Variants in GABRB1 observed in about 807,000 individuals in gnomAD.
GABRB1 encodes gamma-aminobutyric acid type A receptor subunit beta1, also known as gamma-aminobutyric acid receptor subunit beta-1.
Under a neutral mutation model 51.6 loss-of-function variants are expected in GABRB1, and 17 were observed. The observed-to-expected ratio is 0.33, with a 90% CI of 0.23 to 0.49. The LOEUF (loss-of-function observed/expected upper bound fraction) is 0.49, where lower values mean the gene tolerates loss of function less well. GABRB1 is among the 20% of genes least tolerant of loss of function. The pLI, the probability that GABRB1 is intolerant of heterozygous loss-of-function variation, is 0.99. For synonymous variants in GABRB1, 247 were observed against 218.9 expected, an observed-to-expected ratio of 1.13 and a Z score of -1.14; for missense variants, 410 against 600.6, an observed-to-expected ratio of 0.68 and a Z score of 3.32.
At chr4:47,070,017 G>A (rs1236413086) in intron 3 of GABRB1, among the ~76,000 whole-genome samples, 7 of 150,810 alleles carry the variant, frequency 4.6e-5, no homozygotes, top group South Asian at 2.1e-4. Flanking sequence ...CTTCTTTTTC[G>A]TTGTTGCTGT....
At chr4:47,401,996 A>G (rs754618508) in intron 5 of GABRB1, among the ~76,000 whole-genome samples, 3 of 152,206 alleles carry the variant, frequency 2.0e-5, no homozygotes, top group Admixed American at 6.5e-5. Context: ...CCAATATGCC[A>G]ATTAGTCCCA....
At chr4:47,237,993 C>A (rs145788948) in intron 4 of GABRB1, among the ~76,000 whole-genome samples, 5 of 151,802 alleles carry the variant, frequency 3.3e-5, no homozygotes, top group Admixed American at 2.6e-4. Flanking sequence ...ATTTATATTT[C>A]ATATTTTGCA....
rs376507673 is a variant in GABRB1 at position 47,188,615 on chromosome 4, C to T, written c.461+27146C>T. On this transcript the variant is annotated intron_variant, in intron 4 of 8. Transcript: ENST00000295454. ...TTTAGAATAAAAATTTAAAAAAAAA[C>T]ATTCTTTCTATTCCTTCTATGATAA... 9.2e-5 allele frequency among the ~76,000 whole-genome samples: 14 copies of T among 151,848 alleles called. No individual in the cohort carries two copies. The East Asian group carries it at 1.2e-3, about 13-fold the overall frequency.
At chr4:47,286,629 A>G (rs180865310) in intron 4 of GABRB1, among the ~76,000 whole-genome samples, 31 of 152,322 alleles carry the variant, frequency 2.0e-4, no homozygotes, top group African/African-American at 6.0e-4. Flanking sequence ...TATAAGAAAT[A>G]TTGAGCTTAG....
intron 4 of GABRB1, among the ~76,000 whole-genome samples, chr4:47,254,378 T>G (rs1426905236): frequency 8.5e-5 from 11 of 129,528 alleles, no homozygotes; most frequent in African/African-American, 2.1e-4. Flanking sequence ...TTTTTTTTTT[T>G]TTTTTTTTTT....
At chr4:47,211,437 A>T (rs1260600084) in intron 4 of GABRB1, among the ~76,000 whole-genome samples, 4 of 152,206 alleles carry the variant, frequency 2.6e-5, no homozygotes, top group African/African-American at 9.6e-5. Flanking sequence ...GATCAAACAG[A>T]AACTCATAGA....
chr4:47,400,215 A>C (rs1560369267), intron 5 of GABRB1, among the ~76,000 whole-genome samples: 1 of 152,176 alleles, frequency 6.6e-6, no homozygotes, highest in Non-Finnish European at 1.5e-5. Flanking sequence ...AAAACCATTG[A>C]GTTTTAGAAT....
intron 4 of GABRB1, among the ~76,000 whole-genome samples, chr4:47,212,821 A>G (rs1720415551): frequency 6.6e-6 from 1 of 152,150 alleles, no homozygotes; most frequent in South Asian, 2.1e-4. Context: ...TCTATCCCCA[A>G]TCCTGTCCCC....
At position 47,216,938 on chromosome 4, in the gene GABRB1, G is replaced by A. The variant is rs555202995; in HGVS notation, c.461+55469G>A. Among the ~76,000 whole-genome samples, 76 of 151,820 alleles carry A rather than the reference G, an allele frequency of 5.0e-4. 1 individual carries two copies. Among genetic ancestry groups the A allele is most frequent in the African/African-American group, 1.7e-3 (71 of 41,500 alleles). ...ATTGTTTTAACAGTGAAGAAAATTT[G>A]CAAATAACCTAAATATTTATCAGCA... On this transcript the variant is annotated intron_variant, in intron 4 of 8. Transcript: ENST00000295454.
chr4:47,004,997 A>G (rs1724342846), intron 1 of GABRB1, among the ~76,000 whole-genome samples: 1 of 152,224 alleles, frequency 6.6e-6, no homozygotes, highest in Non-Finnish European at 1.5e-5. Context: ...AGGCAGATGC[A>G]ATCACCTAGA....
At chr4:47,246,264 A>G in intron 4 of GABRB1, among the ~76,000 whole-genome samples, 1 of 126,192 alleles carries the variant, frequency 7.9e-6, no homozygotes, top group Non-Finnish European at 1.7e-5. Flanking sequence ...CTCAGGGCTG[A>G]GTAGTATTCC....
intron 4 of GABRB1, among the ~76,000 whole-genome samples, chr4:47,180,023 T>C (rs559194102): frequency 2.2e-4 from 33 of 152,184 alleles, no homozygotes; most frequent in African/African-American, 7.9e-4. Context: ...CTGGGCAGCA[T>C]AGCCAAACCC....
At chr4:47,108,337 T>C (rs1459498779) in intron 3 of GABRB1, among the ~76,000 whole-genome samples, 14 of 151,934 alleles carry the variant, frequency 9.2e-5, no homozygotes, top group Non-Finnish European at 1.5e-5. Context: ...GGGAAAGGAG[T>C]AAAAGAGAGA....
At chr4:47,293,429 G>A (rs538011570) in intron 4 of GABRB1, among the ~76,000 whole-genome samples, 326 of 152,204 alleles carry the variant, frequency 2.1e-3, no homozygotes, top group Middle Eastern at 0.014. Context: ...ATGAGCCACC[G>A]TGCCTGGCCC....
chr4:47,216,483 T>C (rs971348923), intron 4 of GABRB1, among the ~76,000 whole-genome samples: 7 of 151,976 alleles, frequency 4.6e-5, no homozygotes, highest in African/African-American at 1.4e-4. Flanking sequence ...GAACCCCATT[T>C]AGCATCAGGG....
At chr4:47,304,787 G>A (rs1724385515) in intron 4 of GABRB1, among the ~76,000 whole-genome samples, 1 of 152,030 alleles carries the variant, frequency 6.6e-6, no homozygotes, top group South Asian at 2.1e-4. Flanking sequence ...TATGTATGGA[G>A]CTACTAAAAT....
intron 8 of GABRB1, among the ~76,000 whole-genome samples, chr4:47,420,813 C>T (rs1729069241): frequency 6.6e-6 from 1 of 152,160 alleles, no homozygotes; most frequent in South Asian, 2.1e-4. Context: ...GCAGAGCCAA[C>T]AAGAAACTTG....
chr4:47,337,832 A>C (rs1017175614), intron 5 of GABRB1, among the ~76,000 whole-genome samples: 1 of 141,660 alleles, frequency 7.1e-6, no homozygotes, highest in African/African-American at 2.6e-5. Context: ...AAAAAAAAAA[A>C]AGATAGATCC....
intron 1 of GABRB1, among the ~76,000 whole-genome samples, chr4:47,006,016 C>T (rs1395415501): frequency 1.3e-5 from 2 of 148,862 alleles, no homozygotes; most frequent in African/African-American, 4.9e-5. Flanking sequence ...TTCACATCTT[C>T]TAATAAAGAA....
Sources: gnomAD v4.1 joint callset for allele counts (sites outside exome capture counted in the v4.1 genomes callset) on GRCh38, gnomAD v4.1.1 for gene constraint, MANE v1.5 for transcripts, NCBI Gene and HGNC (gene_info 2026-07-23, HGNC 2026-07-21) for gene names.